Variants in DOCK4 observed in about 807,000 individuals in gnomAD.
The protein encoded by DOCK4 is dedicator of cytokinesis 4.
DOCK4 carries 97 observed loss-of-function variants against 268.1 expected under a neutral mutation model. The ratio of observed to expected loss-of-function variants is 0.36; its 90% CI spans 0.31 to 0.43. DOCK4 has a LOEUF of 0.43. Among genes scored for constraint, DOCK4 ranks in the 20% least tolerant of loss-of-function variants. The pLI, the probability that DOCK4 is intolerant of heterozygous loss-of-function variation, is 1.00. For missense variants in DOCK4, 2,145 were observed against 2,455.7 expected (o/e 0.87, Z 2.67); for synonymous variants, 954 against 887.2 (o/e 1.08, Z -1.34).
chr7:111,887,550 C>A (rs1462311807), intron 16 of DOCK4, among the ~76,000 whole-genome samples: 1 of 152,072 alleles, frequency 6.6e-6, no homozygotes, highest in Non-Finnish European at 1.5e-5. Flanking sequence ...ATTAATAGTG[C>A]TCTATGCTAT....
chr7:111,983,946 C>T (rs762764374), intron 7 of DOCK4, among the ~76,000 whole-genome samples: 16 of 151,630 alleles, frequency 1.1e-4, no homozygotes, highest in African/African-American at 3.4e-4. Context: ...TGAGCCAAGA[C>T]GAAACACCCA....
Position 111,832,684 on chromosome 7 carries a change from T to C in DOCK4, c.2835+1904A>G, listed in dbSNP as rs1040205571. On this transcript the variant is annotated intron_variant, in intron 26 of 52. Coordinates refer to ENST00000428084, the MANE Select transcript of DOCK4 (RefSeq NM_001363540.2). Reference sequence around the variant, plus strand: ...CTGGGACTACAGGCACGAGCCACCATGCCCAGCTAATTTTTGTATTTTTAG... The same window carrying C: ...CTGGGACTACAGGCACGAGCCACCACGCCCAGCTAATTTTTGTATTTTTAG... Among the ~76,000 whole-genome samples the C allele has an allele frequency of 4.6e-5, 7 of 152,166 alleles. No individual in the cohort carries two copies. In the South Asian group the frequency reaches 6.2e-4, roughly 14 times the overall value.
At chr7:112,204,387 T>A (rs1336898223) in intron 1 of DOCK4, among the ~76,000 whole-genome samples, 1 of 152,138 alleles carries the variant, frequency 6.6e-6, no homozygotes, top group Non-Finnish European at 1.5e-5. Context: ...CTGCACTGAG[T>A]GTTAAAGCCG....
intron 1 of DOCK4, among the ~76,000 whole-genome samples, chr7:112,157,169 T>A (rs1409189523): frequency 6.6e-6 from 1 of 152,134 alleles, no homozygotes; most frequent in East Asian, 1.9e-4. Context: ...GTCATCTTTC[T>A]TTCCCGTCAT....
intron 38 of DOCK4, among the ~76,000 whole-genome samples, chr7:111,765,557 T>C (rs1450437818): frequency 6.6e-6 from 1 of 152,246 alleles, no homozygotes; most frequent in African/African-American, 2.4e-5. Flanking sequence ...TCTATGCATG[T>C]AGTCCTATCA....
At chr7:111,969,165 C>G (rs1586527601) in intron 8 of DOCK4, among the ~76,000 whole-genome samples, 1 of 135,380 alleles carries the variant, frequency 7.4e-6, no homozygotes, top group Non-Finnish European at 1.6e-5. Context: ...ACATATGTAA[C>G]TAACCTGCAC....
At chr7:111,839,917 G>A (rs997486991) in intron 25 of DOCK4, among the ~76,000 whole-genome samples, 2 of 152,030 alleles carry the variant, frequency 1.3e-5, no homozygotes, top group Non-Finnish European at 2.9e-5. Flanking sequence ...AATTACTAAT[G>A]TATATTTTAT....
intron 14 of DOCK4, 89 bp downstream of exon 14, chr7:111,901,588 T>C (rs1246681147): frequency 7.7e-7 from 1 of 1,304,390 alleles, no homozygotes; most frequent in Non-Finnish European, 1.1e-6. Context: ...TAACTGATCG[T>C]AAATCAGAAA....
At chr7:111,996,586 C>G (rs1799976199) in intron 4 of DOCK4, among the ~76,000 whole-genome samples, 1 of 152,148 alleles carries the variant, frequency 6.6e-6, no homozygotes, top group Non-Finnish European at 1.5e-5. Context: ...AGCCCTAGAC[C>G]TAGGGTCTGA....
At chr7:112,112,072 T>C (rs1811704231) in intron 1 of DOCK4, among the ~76,000 whole-genome samples, 1 of 152,124 alleles carries the variant, frequency 6.6e-6, no homozygotes, top group African/African-American at 2.4e-5. Context: ...GCCTTCCCCA[T>C]GAGAGGTGAT....
chr7:111,987,692 CT>C (rs1799158790), intron 6 of DOCK4, among the ~76,000 whole-genome samples: 1 of 152,138 alleles, frequency 6.6e-6, no homozygotes, highest in African/African-American at 2.4e-5. Context: ...CGCCCTTGTG[CT>C]TTTTCTAGTT....
intron 44 of DOCK4, among the ~76,000 whole-genome samples, chr7:111,745,688 A>AT (rs1425047359): frequency 6.9e-6 from 1 of 144,840 alleles, no homozygotes; most frequent in Non-Finnish European, 1.5e-5. Flanking sequence ...CGTCTTAAAA[A>AT]AAAAAAAAAA....
chr7:112,205,444 C>T (rs1172014198), intron 1 of DOCK4, among the ~76,000 whole-genome samples: 2 of 152,042 alleles, frequency 1.3e-5, no homozygotes, highest in Non-Finnish European at 1.5e-5. Flanking sequence ...ACCAAAGAAC[C>T]GAGCGGCGCA....
intron 1 of DOCK4, among the ~76,000 whole-genome samples, chr7:112,109,470 T>C (rs1403669222): frequency 6.6e-6 from 1 of 152,180 alleles, no homozygotes; most frequent in Non-Finnish European, 1.5e-5. Flanking sequence ...AAGAAAATGC[T>C]CTATAAAGCA....
intron 1 of DOCK4, among the ~76,000 whole-genome samples, chr7:112,129,593 G>T (rs1240656816): frequency 1.3e-5 from 2 of 152,142 alleles, no homozygotes; most frequent in Non-Finnish European, 2.9e-5. Context: ...TAATAAATTG[G>T]TTTTGATATA....
At chr7:111,944,935 T>G in intron 9 of DOCK4, 64 bp from the exon 10 acceptor site, 2 of 1,329,902 alleles carry the variant, frequency 1.5e-6, no homozygotes, top group Non-Finnish European at 2.2e-6. Context: ...GCATAGCACT[T>G]TATTTTCACA....
intron 47 of DOCK4, chr7:111,740,324 T>A: frequency 4.7e-6 from 1 of 214,420 alleles, no homozygotes; most frequent in Non-Finnish European, 9.7e-6. Context: ...GGTCTCGAAC[T>A]CCAGATCTCA....
chr7:111,778,407 C>A (rs750827840), intron 35 of DOCK4, 38 bp from the exon 36 acceptor site: 2 of 1,345,984 alleles, frequency 1.5e-6, no homozygotes, highest in Non-Finnish European at 2.1e-6. Context: ...AGTTCCTCAA[C>A]AATCTGGCCT....
chr7:112,185,256 T>C (rs1490543351), intron 1 of DOCK4, among the ~76,000 whole-genome samples: 1 of 152,184 alleles, frequency 6.6e-6, no homozygotes, highest in Non-Finnish European at 1.5e-5. Context: ...GCTCGTTTGA[T>C]CCACTACTTG....
Sources: allele counts gnomAD v4.1 joint callset (sites outside exome capture counted in the v4.1 genomes callset), GRCh38; gene constraint gnomAD v4.1.1; transcripts MANE v1.5; gene names NCBI Gene and HGNC (gene_info 2026-07-23, HGNC 2026-07-21).